CDC42SE2: variants seen among roughly 807,000 people sequenced by gnomAD.
The protein encoded by CDC42SE2 is CDC42 small effector protein 2.
CDC42SE2 carries 3 observed loss-of-function variants against 11.5 expected under a neutral mutation model. That is an observed-to-expected ratio of 0.26 (90% CI 0.12 to 0.67). The LOEUF (loss-of-function observed/expected upper bound fraction) is 0.67. Among genes scored for constraint, CDC42SE2 ranks in the 30% least tolerant of loss-of-function variants. CDC42SE2 has a pLI of 0.80. For missense variants in CDC42SE2, 82 were observed against 106.8 expected (o/e 0.77, Z 1.02); for synonymous variants, 33 against 34.8 (o/e 0.95, Z 0.18).
chr5:131,348,421 A>C (rs1464870792), intron 2 of CDC42SE2, among the ~76,000 whole-genome samples: 1 of 152,214 alleles, frequency 6.6e-6, no homozygotes, highest in Non-Finnish European at 1.5e-5. Context: ...ATACCTAGGA[A>C]TCCAACTTAC....
intron 3 of CDC42SE2, among the ~76,000 whole-genome samples, chr5:131,370,661 T>C (rs1236576827): frequency 6.6e-6 from 1 of 152,178 alleles, no homozygotes; most frequent in African/African-American, 2.4e-5. Context: ...TCTGACTATA[T>C]CTGTGAAATT....
At chr5:131,365,346 C>A (rs1250659998) in intron 3 of CDC42SE2, among the ~76,000 whole-genome samples, 1 of 151,444 alleles carries the variant, frequency 6.6e-6, no homozygotes, top group African/African-American at 2.4e-5. Context: ...AGAGGATGAA[C>A]CAACAATTCC....
At chr5:131,227,913 C>T in the CDC42SE2 span, among the ~76,000 whole-genome samples, 1 of 151,662 alleles carries the variant, frequency 6.6e-6, no homozygotes, top group Non-Finnish European at 1.5e-5. Context: ...GGAGGCTGGG[C>T]GTACTGGCTC....
At chr5:131,326,629 A>G (rs1758307073) in intron 2 of CDC42SE2, among the ~76,000 whole-genome samples, 1 of 151,854 alleles carries the variant, frequency 6.6e-6, no homozygotes, top group Non-Finnish European at 1.5e-5. Context: ...CATTTTCTAC[A>G]GTTGTTTCTG....
In CDC42SE2 at chr5:131,344,103, C is replaced by T. The variant is rs973333546; in HGVS notation, c.-285-15106C>T. The stretch of plus-strand genomic sequence containing the variant: ...AGTCTGCAGCTCCCAGCATGAGCGA[C>T]GCAGAAGAAGGGTGATTTCTGCATT... On this transcript the variant is annotated intron_variant, in intron 2 of 4. Transcript: ENST00000505065. Among the ~76,000 whole-genome samples, 7 of 152,130 alleles carry T rather than the reference C, an allele frequency of 4.6e-5. No individual in the cohort carries two copies. The South Asian group carries it at 8.3e-4, about 18-fold the overall frequency.
intron 2 of CDC42SE2, among the ~76,000 whole-genome samples, chr5:131,345,826 G>T (rs1341858457): frequency 2.0e-5 from 3 of 151,914 alleles, no homozygotes; most frequent in African/African-American, 2.4e-5. Flanking sequence ...TAAGCCAGAA[G>T]AGAGTGGGGG....
At chr5:131,246,289 C>G (rs1756581683) in intron 1 of CDC42SE2, among the ~76,000 whole-genome samples, 1 of 152,086 alleles carries the variant, frequency 6.6e-6, no homozygotes, top group Non-Finnish European at 1.5e-5. Flanking sequence ...AACCCCTTCT[C>G]TACTAAAAAT....
At chr5:131,215,653 T>G in the CDC42SE2 span, among the ~76,000 whole-genome samples, 2 of 152,230 alleles carry the variant, frequency 1.3e-5, no homozygotes, top group African/African-American at 4.8e-5. Context: ...CTGTGTTGTC[T>G]GAGAACAGAG....
intron 4 of CDC42SE2, among the ~76,000 whole-genome samples, chr5:131,389,885 C>G (rs1368997849): frequency 6.6e-6 from 1 of 152,232 alleles, no homozygotes; most frequent in Non-Finnish European, 1.5e-5. Context: ...GTTCCTTCTT[C>G]TAGCAGTCTA....
chr5:131,326,186 G>A (rs1014219801), intron 2 of CDC42SE2, among the ~76,000 whole-genome samples: 14 of 151,150 alleles, frequency 9.3e-5, no homozygotes, highest in Non-Finnish European at 2.1e-4. Flanking sequence ...CTCACTGCAA[G>A]CTCTGCCTCC....
upstream of CDC42SE2, among the ~76,000 whole-genome samples, chr5:131,263,357 T>C (rs1756772425): frequency 6.6e-6 from 1 of 152,130 alleles, no homozygotes; most frequent in South Asian, 2.1e-4. Flanking sequence ...GAACTTACGA[T>C]AAAGTTTTGT....
Position 131,309,116 on chromosome 5 carries a change from T to A in CDC42SE2, c.-454-6860T>A, listed in dbSNP as rs184328397. Among the ~76,000 whole-genome samples, 562 of 152,304 alleles carry A rather than the reference T, an allele frequency of 3.7e-3. 2 individuals carry two copies. The highest frequency in any genetic ancestry group is 0.013 in the African/African-American group (549 of 41,562). The stretch of plus-strand genomic sequence containing the variant: ...ATAGCTCTTATTCTTTTGAAATACA[T>A]CCCATCAATACCTAATTTATTGAGA... On this transcript the variant is annotated intron_variant, in intron 1 of 4. Transcript: ENST00000505065.
In CDC42SE2 at chr5:131,300,901, G is replaced by A. The variant is rs190771508; in HGVS notation, c.-454-15075G>A. ...CATATTGCATAATAAAATAGTTTCC[G>A]TTTTTTAGCTATGATATGTCAAGCA... On this transcript the variant is annotated intron_variant, in intron 1 of 4. Transcript: ENST00000505065. Among the ~76,000 whole-genome samples, 40 of 152,184 alleles carry A rather than the reference G, an allele frequency of 2.6e-4. No homozygotes were observed. In the East Asian group the frequency reaches 3.7e-3, roughly 14 times the overall value.
intron 2 of CDC42SE2, among the ~76,000 whole-genome samples, chr5:131,327,916 G>A (rs1375025984): frequency 6.6e-6 from 1 of 152,130 alleles, no homozygotes; most frequent in African/African-American, 2.4e-5. Flanking sequence ...AGATACCACA[G>A]ACTGGGTAAT....
At position 131,328,278 on chromosome 5, in the gene CDC42SE2, A is replaced by G. The variant is rs1351517472; in HGVS notation, c.-286+12134A>G. Among the ~76,000 whole-genome samples the G allele has an allele frequency of 1.3e-4, 20 of 152,104 alleles. 1 individual carries two copies. Among genetic ancestry groups the G allele is most frequent in the Admixed American group, 1.3e-3 (20 of 15,266 alleles). On this transcript the variant is annotated intron_variant, in intron 2 of 4. Transcript: ENST00000505065. ...TCCAGTGTCACTTTTTGTGATATCT[A>G]ATATTAATCTTATTCTTTTACTTTT...
At chr5:131,256,137 C>A (rs964915868) in intron 2 of CDC42SE2, among the ~76,000 whole-genome samples, 4 of 152,312 alleles carry the variant, frequency 2.6e-5, no homozygotes, top group African/African-American at 4.8e-5. Context: ...GGACTACCAG[C>A]TTGTTACTTC....
At chr5:131,318,645 G>A (rs1160620718) in intron 2 of CDC42SE2, among the ~76,000 whole-genome samples, 2 of 152,222 alleles carry the variant, frequency 1.3e-5, no homozygotes, top group Non-Finnish European at 2.9e-5. Flanking sequence ...CATTTGAGCT[G>A]CTGGATCAAC....
chr5:131,329,696 T>C (rs974514660), intron 2 of CDC42SE2, among the ~76,000 whole-genome samples: 12 of 151,556 alleles, frequency 7.9e-5, no homozygotes. Flanking sequence ...CTGGCCCACA[T>C]GGTGAAACCC....
rs1362520426 is a variant in CDC42SE2, at chr5:131,392,660, G to GTATC, written c.*1571_*1574dup. On this transcript the variant is annotated 3_prime_UTR_variant, in exon 5 of 5. Coordinates refer to ENST00000505065, the MANE Select transcript of CDC42SE2 (RefSeq NM_001375635.1). Reference sequence around the variant, plus strand: ...CAGGTGTGGTTACAGGTGTGGTTATGTATCTGAGTGTTGCGGTCATACTCT... The same window carrying GTATC: ...CAGGTGTGGTTACAGGTGTGGTTATGTATCTATCTGAGTGTTGCGGTCATACTCT... The GTATC allele has an allele frequency of 6.6e-6, 1 of 152,366 alleles. No individual in the cohort carries two copies. The highest frequency in any genetic ancestry group is 1.9e-4 in the East Asian group (1 of 5,342). 9.4% of individuals were successfully genotyped at this position (152,366 alleles called of 1,614,324 possible).
Sources: allele counts gnomAD v4.1 joint callset (sites outside exome capture counted in the v4.1 genomes callset), GRCh38; gene constraint gnomAD v4.1.1; transcripts MANE v1.5; gene names NCBI Gene and HGNC (gene_info 2026-07-23, HGNC 2026-07-21).